The following ZNF718 variants were observed in gnomAD, a reference collection of about 807,000 sequenced individuals.
ZNF718 encodes the protein zinc finger protein 718.
ZNF718 carries 3 observed loss-of-function variants against 2.6 expected under a neutral mutation model. The ratio of observed to expected loss-of-function variants is 1.16; its 90% CI spans 0.53 to 3.01. The LOEUF (loss-of-function observed/expected upper bound fraction) is 3.01, where lower values mean the gene tolerates loss of function less well. ZNF718 is among the 30% of genes most tolerant of loss of function. The probability of loss-of-function intolerance (pLI) is 0.03; values close to 1 mark genes in which losing one functional copy is unlikely to be tolerated. For missense variants in ZNF718, 468 were observed against 230.0 expected, an observed-to-expected ratio of 2.03 and a Z score of -6.69; for synonymous variants, 135 against 77.9, an observed-to-expected ratio of 1.73 and a Z score of -3.86.
chr4:170,243 G>A (rs1383359672), intron 3 of ZNF718, among the ~76,000 whole-genome samples: 2 of 152,124 alleles, frequency 1.3e-5, no homozygotes, highest in African/African-American at 2.4e-5. Flanking sequence ...GCTTCCCTTT[G>A]TGGGTAACCC....
chr4:196,068 C>G (rs1293912263), intron 3 of ZNF718, among the ~76,000 whole-genome samples: 3 of 151,872 alleles, frequency 2.0e-5, no homozygotes, highest in Admixed American at 2.0e-4. Flanking sequence ...CTCTCTCTAA[C>G]TTACTCAATT....
intron 3 of ZNF718, among the ~76,000 whole-genome samples, chr4:148,610 CAAAAAAAA>C (rs33957522): frequency 4.0e-5 from 3 of 74,514 alleles, no homozygotes; most frequent in Admixed American, 1.4e-4. Flanking sequence ...GACTCTGTCT[CAAAAAAAA>C]AAAAAAAAAA....
intron 3 of ZNF718, among the ~76,000 whole-genome samples, chr4:138,451 A>G (rs1715669753): frequency 6.6e-6 from 1 of 152,168 alleles, no homozygotes; most frequent in Non-Finnish European, 1.5e-5. Flanking sequence ...GTTGTTGAAG[A>G]TGATGGGATC....
Position 157,205 on chromosome 4 carries a change from C to A in ZNF718, c.227-3707C>A, listed in dbSNP as rs1344024741. Among the ~76,000 whole-genome samples the A allele has an allele frequency of 2.1e-5, 3 of 145,598 alleles. No individual in the cohort carries two copies. The Admixed American group carries it at 2.1e-4, about 10-fold the overall frequency. The stretch of plus-strand genomic sequence containing the variant: ...TCAGTTCACTGCAACCTCTGCCTCC[C>A]AGGTTCAAGTGATCCTCCTGCTTCA... On this transcript the variant is annotated intron_variant, in intron 3 of 3. Coordinates refer to ENST00000510175, the MANE Select transcript of ZNF718 (RefSeq NM_001039127.6).
In ZNF718 at chr4:160,978, T is replaced by A; in HGVS notation, c.293T>A (p.Leu98His). The change falls in exon 4 of 4, where the codon CTT (leucine) becomes CAT (histidine). Residue 98 changes from leucine (L) to histidine (H), a missense_variant. Leu to His is a moderately conservative substitution (Grantham distance 99). Transcript: ENST00000510175. The stretch of plus-strand genomic sequence containing the variant: ...GGCATAGAAGATTCATTCCACAAAC[T>A]TATACCAAAAGGACATGAGAAACGT... Reference protein sequence around the residue: ...VQGIEDSFHKLIPKGHEKRGH... With the variant: ...VQGIEDSFHKHIPKGHEKRGH... The A allele has an allele frequency of 1.3e-6, 1 of 780,938 alleles. No individual in the cohort carries two copies. Among genetic ancestry groups the A allele is most frequent in the Non-Finnish European group, 2.4e-6 (1 of 418,102 alleles). The allele number at this position is 780,938 out of a possible 1,614,324, so 48.4% of individuals were successfully genotyped here.
In ZNF718 at chr4:162,254, G is replaced by C; in HGVS notation, c.*132G>C. 1.9e-6 allele frequency: 1 copy of C among 535,460 alleles called. No individual in the cohort carries two copies. Among genetic ancestry groups the C allele is most frequent in the Non-Finnish European group, 3.4e-6 (1 of 297,174 alleles). 33.2% of individuals were successfully genotyped at this position (535,460 alleles called of 1,614,324 possible). A position where few individuals can be genotyped will look rare whatever the true frequency, so the allele number is the denominator to read the frequency against. The stretch of plus-strand genomic sequence containing the variant: ...GCAACTCAATCTGTTCTAAACATAA[G>C]AGAAATGGTATTGGTGAGAAGCCAT... On this transcript the variant is annotated 3_prime_UTR_variant, in exon 4 of 4. Coordinates refer to ENST00000510175, the MANE Select transcript of ZNF718 (RefSeq NM_001039127.6).
intron 3 of ZNF718, among the ~76,000 whole-genome samples, chr4:187,523 T>G (rs1717593780): frequency 6.6e-6 from 1 of 152,218 alleles, no homozygotes; most frequent in Admixed American, 6.5e-5. Context: ...TGTGAGCCAC[T>G]GTGCCTGGCA....
intron 3 of ZNF718, among the ~76,000 whole-genome samples, chr4:137,407 T>C (rs1433116208): frequency 6.6e-6 from 1 of 152,172 alleles, no homozygotes; most frequent in Non-Finnish European, 1.5e-5. Flanking sequence ...ATAGAATAAC[T>C]TCATTTTTTT....
At chr4:170,659 G>A (rs112819393) in intron 3 of ZNF718, among the ~76,000 whole-genome samples, 1,950 of 152,136 alleles carry the variant, frequency 0.013, 49 homozygotes, top group African/African-American at 0.044. Context: ...AGGTTTGTGC[G>A]TTCGTCATGT....
intron 3 of ZNF718, among the ~76,000 whole-genome samples, chr4:172,375 G>A (rs1428026460): frequency 6.6e-6 from 1 of 151,994 alleles, no homozygotes; most frequent in Non-Finnish European, 1.5e-5. Flanking sequence ...TCATCTATTG[G>A]TTGAAAAACT....
downstream of ZNF718, among the ~76,000 whole-genome samples, chr4:164,915 T>A (rs1717053807): frequency 6.6e-6 from 1 of 152,156 alleles, no homozygotes; most frequent in Non-Finnish European, 1.5e-5. Context: ...TTTCTGGAGT[T>A]TATTTGTAGG....
chr4:161,097 A>C lies in ZNF718; in HGVS notation c.412A>C (p.Thr138Pro). Reference protein sequence around the residue: ...YNRINQCLLTTQKKTIQSNIC... With the variant: ...YNRINQCLLTPQKKTIQSNIC... ...TAGAATTAACCAATGCTTATTAACT[A>C]CCCAGAAAAAAACAATTCAATCTAA... The change falls in exon 4 of 4, where the codon ACC becomes CCC. Residue 138 changes from threonine (T) to proline (P), a missense_variant. Physicochemically the swap from Thr to Pro is conservative, Grantham distance 38. Coordinates refer to ENST00000510175, the MANE Select transcript of ZNF718 (RefSeq NM_001039127.6). The C allele has an allele frequency of 1.3e-6, 1 of 770,930 alleles. No individual in the cohort carries two copies. Among genetic ancestry groups the C allele is most frequent in the Non-Finnish European group, 2.4e-6 (1 of 412,532 alleles). The allele number at this position is 770,930 out of a possible 1,614,324, so 47.8% of individuals were successfully genotyped here. A position where few individuals can be genotyped will look rare whatever the true frequency, so the allele number is the denominator to read the frequency against.
intron 3 of ZNF718, among the ~76,000 whole-genome samples, chr4:152,493 G>GT (rs1716372004): frequency 6.7e-6 from 1 of 148,320 alleles, no homozygotes; most frequent in Admixed American, 6.8e-5. Context: ...TCAAGCATCT[G>GT]TTTAACAAAG....
At chr4:200,591 G>GT (rs1196356789) in intron 3 of ZNF718, among the ~76,000 whole-genome samples, 12 of 151,658 alleles carry the variant, frequency 7.9e-5, no homozygotes, top group African/African-American at 1.9e-4. Flanking sequence ...TTTTGTTTTT[G>GT]TTTTTTTTAG....
intron 1 of ZNF718, among the ~76,000 whole-genome samples, chr4:126,139 CTT>C (rs782612800): frequency 1.3e-5 from 2 of 152,250 alleles, no homozygotes; most frequent in Non-Finnish European, 2.9e-5. Context: ...CACAAATCCT[CTT>C]TTCTGTGCAT....
rs1487144099 is a variant in ZNF718 at position 163,585 on chromosome 4, ATTC to A, written c.*1468_*1470del. ...GCATGACGTACATGTTCAGAGTAAT[ATTC>A]TTCTGCATTATAGTGAGAGAAAAAT... On this transcript the variant is annotated 3_prime_UTR_variant, in exon 4 of 4. Transcript: ENST00000510175. 7 of 152,278 alleles carry A rather than the reference ATTC, an allele frequency of 4.6e-5. No individual in the cohort carries two copies. Among genetic ancestry groups the A allele is most frequent in the African/African-American group, 1.2e-4 (5 of 41,560 alleles). The allele number at this position is 152,278 out of a possible 1,614,324, so 9.4% of individuals were successfully genotyped here. A position where few individuals can be genotyped will look rare whatever the true frequency, so the allele number is the denominator to read the frequency against.
chr4:189,389 T>A (rs552263159), intron 3 of ZNF718, among the ~76,000 whole-genome samples: 1 of 152,284 alleles, frequency 6.6e-6, no homozygotes, highest in South Asian at 2.1e-4. Flanking sequence ...TGTTCCCAAA[T>A]GGTTTTTCCA....
intron 3 of ZNF718, among the ~76,000 whole-genome samples, chr4:158,507 G>A (rs1307445202): frequency 2.6e-5 from 4 of 151,354 alleles, no homozygotes; most frequent in Non-Finnish European, 5.9e-5. Context: ...TGTTTTTTGA[G>A]TATCTCTACA....
At chr4:153,526 A>C (rs1054077373) in intron 3 of ZNF718, among the ~76,000 whole-genome samples, 1 of 152,102 alleles carries the variant, frequency 6.6e-6, no homozygotes, top group East Asian at 1.9e-4. Context: ...TTTCATAATA[A>C]TTTTTCAATT....
Sources: gnomAD v4.1 joint callset for allele counts (sites outside exome capture counted in the v4.1 genomes callset) on GRCh38, gnomAD v4.1.1 for gene constraint, MANE v1.5 for transcripts, NCBI Gene and HGNC (gene_info 2026-07-23, HGNC 2026-07-21) for gene names.